Variants in GSPT1 observed in about 807,000 individuals in gnomAD.
GSPT1 encodes eukaryotic peptide chain release factor GTP-binding subunit ERF3A.
Under a neutral mutation model 72.5 loss-of-function variants are expected in GSPT1, and 20 were observed. The observed-to-expected ratio is 0.28, with a 90% CI of 0.19 to 0.40. GSPT1 has a LOEUF of 0.40. GSPT1 is among the 10% of genes least tolerant of loss of function. GSPT1 has a pLI of 1.00. For missense variants in GSPT1, 580 were observed against 811.9 expected (o/e 0.71, Z 3.47); for synonymous variants, 334 against 293.5 (o/e 1.14, Z -1.41).
intron 1 of GSPT1, among the ~76,000 whole-genome samples, chr16:11,903,384 C>T (rs1302259525): frequency 3.3e-5 from 5 of 152,066 alleles, no homozygotes; most frequent in African/African-American, 4.8e-5. Flanking sequence ...TGACAGGTGC[C>T]TATAATCCCA....
intron 5 of GSPT1, among the ~76,000 whole-genome samples, chr16:11,892,612 AG>A (rs1335641431): frequency 4.6e-5 from 7 of 151,378 alleles, no homozygotes; most frequent in Admixed American, 4.6e-4. Flanking sequence ...GCGGATCACA[AG>A]GTCAGGAGTT....
At position 11,877,355 on chromosome 16, in the gene GSPT1, A is replaced by C. The variant is rs1247297040; in HGVS notation, c.1602+52T>G. 1 of 1,250,210 alleles carries C rather than the reference A, an allele frequency of 8.0e-7. No homozygotes were observed. Among genetic ancestry groups the C allele is most frequent in the Non-Finnish European group, 1.1e-6 (1 of 898,188 alleles). 77.4% of individuals were successfully genotyped at this position (1,250,210 alleles called of 1,614,324 possible). On this transcript the variant is annotated intron_variant, in intron 12 of 14. Coordinates refer to ENST00000434724, the MANE Select transcript of GSPT1 (RefSeq NM_002094.4). This position sits in a 1 kb window ranked among gnomAD's most constrained non-coding sequence, Gnocchi z 4.0. ...TCAGGACAAAAGGCACTGATATTCT[A>C]ATTTCATTTAGACATTAAAACCCAC...
chr16:11,909,872 G>C (rs1365778256), intron 1 of GSPT1, among the ~76,000 whole-genome samples: 8 of 152,098 alleles, frequency 5.3e-5, no homozygotes. Context: ...GTTACGGTGA[G>C]CCGAGTTAGG....
chr16:11,909,573 A>T (rs2054531558), intron 1 of GSPT1, among the ~76,000 whole-genome samples: 1 of 152,200 alleles, frequency 6.6e-6, no homozygotes, highest in Non-Finnish European at 1.5e-5. Flanking sequence ...TACGAAATAG[A>T]CAAGTACTGT....
chr16:11,887,527 GCTA>G, intron 7 of GSPT1, 40 bp downstream of exon 7: 1 of 1,477,930 alleles, frequency 6.8e-7, no homozygotes, highest in Non-Finnish European at 9.4e-7. Flanking sequence ...TATAAGCGGG[GCTA>G]CTAACAAATA....
At chr16:11,893,837 T>C (rs1170339880) in intron 5 of GSPT1, among the ~76,000 whole-genome samples, 3 of 151,930 alleles carry the variant, frequency 2.0e-5, no homozygotes, top group Non-Finnish European at 2.9e-5. Flanking sequence ...GTGGAAATGT[T>C]CAAAAGTAAC....
intron 1 of GSPT1, among the ~76,000 whole-genome samples, chr16:11,898,337 T>C (rs1190482204): frequency 6.6e-6 from 1 of 152,196 alleles, no homozygotes; most frequent in Non-Finnish European, 1.5e-5. Context: ...GTCAAAGTAA[T>C]TTGCAGCTCA....
chr16:11,893,642 A>C (rs1339295247), intron 5 of GSPT1, among the ~76,000 whole-genome samples: 3 of 152,200 alleles, frequency 2.0e-5, no homozygotes, highest in African/African-American at 7.2e-5. Flanking sequence ...CTCCACGTAG[A>C]CATCTATAGT....
intron 11 of GSPT1, chr16:11,881,846 A>T (rs2054126765): frequency 6.6e-6 from 1 of 151,890 alleles, no homozygotes; most frequent in Non-Finnish European, 1.5e-5. Context: ...TTTCACAGAG[A>T]CAGGGTCTCC....
chr16:11,893,467 G>T (rs1053857578), intron 5 of GSPT1, among the ~76,000 whole-genome samples: 1 of 151,798 alleles, frequency 6.6e-6, no homozygotes, highest in Non-Finnish European at 1.5e-5. Flanking sequence ...GTAAATGTAG[G>T]TACTATAGAA....
intron 14 of GSPT1, 36 bp downstream of exon 14, chr16:11,875,724 TG>T: frequency 6.7e-7 from 1 of 1,494,672 alleles, no homozygotes; most frequent in Non-Finnish European, 9.1e-7. Context: ...CTAGGTATCC[TG>T]GATATACTAC....
chr16:11,915,547 C>G lies in GSPT1; in HGVS notation c.174G>C (p.Arg58=), dbSNP rs866701993. 1 of 1,500,872 alleles carries G rather than the reference C, an allele frequency of 6.7e-7. No individual in the cohort carries two copies. 93.0% of individuals were successfully genotyped at this position (1,500,872 alleles called of 1,614,324 possible). A position where few individuals can be genotyped will look rare whatever the true frequency, so the allele number is the denominator to read the frequency against. ...GSLAAAAEAQ[R]ENLSAAFSRQ... ...GGCTGAAGGCCGCGCTGAGGTTCTC[C>G]CGCTGGGCCTCGGCCGCCGCCGCCA... The change falls in exon 1 of 15, where the codon CGG becomes CGC. Residue 58 remains arginine, a synonymous_variant. Transcript: ENST00000434724.
chr16:11,886,731 C>T, intron 8 of GSPT1, 46 bp downstream of exon 8: 11 of 1,583,794 alleles, frequency 6.9e-6, no homozygotes, highest in Non-Finnish European at 9.5e-6. Context: ...AATAACAAAA[C>T]CATCCTTAAT....
chr16:11,911,648 A>G (rs1022542113), intron 1 of GSPT1, among the ~76,000 whole-genome samples: 3 of 148,704 alleles, frequency 2.0e-5, no homozygotes, highest in Non-Finnish European at 4.4e-5. Context: ...CGCCTCCCAG[A>G]TTCAAGTGAT....
chr16:11,897,500 G>A (rs895261747), intron 3 of GSPT1, among the ~76,000 whole-genome samples: 2 of 152,128 alleles, frequency 1.3e-5, no homozygotes, highest in East Asian at 1.9e-4. Flanking sequence ...CAGGAGAAGC[G>A]CTTGAACCTG....
intron 1 of GSPT1, among the ~76,000 whole-genome samples, chr16:11,910,574 T>A (rs146811586): frequency 6.6e-6 from 1 of 152,320 alleles, no homozygotes; most frequent in Non-Finnish European, 1.5e-5. Flanking sequence ...CAGAAGGTTA[T>A]CAAATCTCTT....
In GSPT1 at chr16:11,912,380, C is replaced by T. The variant is rs1384354283; in HGVS notation, c.352+2989G>A. ...AAAAAAAACAAAAAAAAAACCTCCT[C>T]TTCCAATAAATAAGGCATTCAGCAA... On this transcript the variant is annotated intron_variant, in intron 1 of 14. Transcript: ENST00000434724. Among the ~76,000 whole-genome samples the T allele has an allele frequency of 2.6e-5, 4 of 151,448 alleles. No homozygotes were observed. In the East Asian group the frequency reaches 7.7e-4, roughly 29 times the overall value.
At chr16:11,899,745 G>A (rs905750260) in intron 1 of GSPT1, among the ~76,000 whole-genome samples, 3 of 152,168 alleles carry the variant, frequency 2.0e-5, no homozygotes, top group Non-Finnish European at 4.4e-5. Context: ...AGGTAGTACT[G>A]AGAGTATCAA....
chr16:11,895,847 G>A (rs1170896990), intron 4 of GSPT1, among the ~76,000 whole-genome samples: 3 of 152,272 alleles, frequency 2.0e-5, no homozygotes, highest in Non-Finnish European at 4.4e-5. Flanking sequence ...GGCTGGTCTT[G>A]AACTCCTGAC....
Sources: allele counts gnomAD v4.1 joint callset (sites outside exome capture counted in the v4.1 genomes callset), GRCh38; gene constraint gnomAD v4.1.1; non-coding constraint Gnocchi (gnomAD v3.1); transcripts MANE v1.5; gene names NCBI Gene and HGNC (gene_info 2026-07-23, HGNC 2026-07-21).